KHDRBS2: variants seen among roughly 807,000 people sequenced by gnomAD.
KHDRBS2 encodes the protein KH domain-containing, RNA-binding, signal transduction-associated protein 2.
A neutral mutation model predicts 44.3 loss-of-function variants in KHDRBS2; 26 were observed. That is an observed-to-expected ratio of 0.59 (90% CI 0.43 to 0.81). The LOEUF (loss-of-function observed/expected upper bound fraction) is 0.81. Ranked by LOEUF, KHDRBS2 falls within the 40% of genes least tolerant of loss-of-function variation. The pLI, the probability that KHDRBS2 is intolerant of heterozygous loss-of-function variation, is 0.00. For synonymous variants in KHDRBS2, 194 were observed against 151.1 expected (o/e 1.28, Z -2.08); for missense variants, 476 against 433.1 (o/e 1.10, Z -0.88).
chr6:61,819,674 T>C (rs1300156353), intron 6 of KHDRBS2, among the ~76,000 whole-genome samples: 2 of 152,058 alleles, frequency 1.3e-5, no homozygotes, highest in Admixed American at 1.3e-4. Flanking sequence ...TTTTCAATAT[T>C]AGAGAAAGCA....
At chr6:61,605,095 T>G in the KHDRBS2 span, among the ~76,000 whole-genome samples, 1 of 152,282 alleles carries the variant, frequency 6.6e-6, no homozygotes, top group South Asian at 2.1e-4. Context: ...GACAATACTT[T>G]TACCACTTGC....
At chr6:61,634,779 T>G in the KHDRBS2 span, among the ~76,000 whole-genome samples, 1 of 152,098 alleles carries the variant, frequency 6.6e-6, no homozygotes, top group Non-Finnish European at 1.5e-5. Context: ...CTGTAGTCAC[T>G]GCCCTAGTTC....
chr6:62,169,048 T>C (rs1819294508), intron 2 of KHDRBS2, among the ~76,000 whole-genome samples: 1 of 140,594 alleles, frequency 7.1e-6, no homozygotes, highest in Non-Finnish European at 1.5e-5. Flanking sequence ...TATATATATA[T>C]ATATATATAT....
At chr6:62,006,818 A>C (rs374292878) in intron 3 of KHDRBS2, among the ~76,000 whole-genome samples, 4 of 152,076 alleles carry the variant, frequency 2.6e-5, no homozygotes, top group East Asian at 3.8e-4. Context: ...CAAATTATAG[A>C]TATCAAAGGA....
Position 62,218,313 on chromosome 6 carries a change from A to G in KHDRBS2, c.92-41001T>C, listed in dbSNP as rs147445355. ...ATGTTCTGGGTATCTAAAAGAGCAA[A>G]AGAATATCCCCTTTAGAATCAGATA... is the stretch of plus-strand genomic sequence containing the variant. On this transcript the variant is annotated intron_variant, in intron 1 of 8. Coordinates refer to ENST00000281156, the MANE Select transcript of KHDRBS2 (RefSeq NM_152688.4). Among the ~76,000 whole-genome samples the G allele has an allele frequency of 5.3e-5, 8 of 152,004 alleles. No individual in the cohort carries two copies. In the East Asian group the frequency reaches 1.5e-3, roughly 29 times the overall value.
chr6:62,132,406 A>G (rs1810534259), intron 2 of KHDRBS2, among the ~76,000 whole-genome samples: 1 of 152,148 alleles, frequency 6.6e-6, no homozygotes, highest in South Asian at 2.1e-4. Flanking sequence ...CTTATTAGAA[A>G]TGCATATTCT....
At chr6:61,867,705 T>G (rs1797990076) in intron 6 of KHDRBS2, among the ~76,000 whole-genome samples, 1 of 152,216 alleles carries the variant, frequency 6.6e-6, no homozygotes, top group South Asian at 2.1e-4. Flanking sequence ...TCCATAGGGC[T>G]GCTGCCGTTT....
the KHDRBS2 span, among the ~76,000 whole-genome samples, chr6:61,660,169 C>T: frequency 2.5e-3 from 381 of 151,822 alleles, 2 homozygotes; most frequent in African/African-American, 8.8e-3. Context: ...CAGTGTAGTT[C>T]GTAACTGACA....
At chr6:61,967,845 C>A (rs1770398916) in intron 4 of KHDRBS2, among the ~76,000 whole-genome samples, 1 of 73,770 alleles carries the variant, frequency 1.4e-5, no homozygotes, top group African/African-American at 6.5e-5. Context: ...TCTCTCAATA[C>A]ATACATACAT....
chr6:62,210,023 T>C (rs1828752910), intron 1 of KHDRBS2, among the ~76,000 whole-genome samples: 1 of 152,134 alleles, frequency 6.6e-6, no homozygotes, highest in Non-Finnish European at 1.5e-5. Flanking sequence ...ATTCTGTGAG[T>C]CAATACTTCT....
intron 8 of KHDRBS2, among the ~76,000 whole-genome samples, chr6:61,688,059 TTAA>T (rs1452229978): frequency 3.3e-5 from 5 of 151,880 alleles, no homozygotes; most frequent in Non-Finnish European, 7.4e-5. Context: ...TTATCATCCA[TTAA>T]TAATTGAAAA....
intron 3 of KHDRBS2, among the ~76,000 whole-genome samples, chr6:62,034,583 A>G (rs1784918458): frequency 1.3e-5 from 2 of 151,528 alleles, no homozygotes; most frequent in Admixed American, 1.3e-4. Flanking sequence ...TGCATTTGAT[A>G]ATATTCAACA....
intron 2 of KHDRBS2, among the ~76,000 whole-genome samples, chr6:62,072,638 T>A (rs1795417226): frequency 6.6e-6 from 1 of 152,200 alleles, no homozygotes; most frequent in African/African-American, 2.4e-5. Flanking sequence ...TATGCTGGAT[T>A]ACATTTATTG....
intron 6 of KHDRBS2, among the ~76,000 whole-genome samples, chr6:61,733,303 C>T (rs1172102001): frequency 1.3e-5 from 2 of 152,042 alleles, no homozygotes; most frequent in African/African-American, 2.4e-5. Flanking sequence ...GAAATAAAGA[C>T]TTCGTGGCCG....
At chr6:61,844,152 T>C (rs1210024006) in intron 6 of KHDRBS2, among the ~76,000 whole-genome samples, 1 of 152,126 alleles carries the variant, frequency 6.6e-6, no homozygotes, top group Non-Finnish European at 1.5e-5. Flanking sequence ...CAAAAATAAA[T>C]ATACTTTAAA....
chr6:62,228,553 T>C (rs1217317345), intron 1 of KHDRBS2, among the ~76,000 whole-genome samples: 1 of 152,202 alleles, frequency 6.6e-6, no homozygotes, highest in Admixed American at 6.5e-5. Context: ...CTGATCTTAG[T>C]TATTTCTTGT....
At chr6:62,211,857 GTA>G (rs1829105951) in intron 1 of KHDRBS2, among the ~76,000 whole-genome samples, 1 of 152,018 alleles carries the variant, frequency 6.6e-6, no homozygotes, top group Admixed American at 6.6e-5. Context: ...ACATGCACAC[GTA>G]TGTTCATCAC....
chr6:61,650,501 T>A, the KHDRBS2 span, among the ~76,000 whole-genome samples: 1 of 151,966 alleles, frequency 6.6e-6, no homozygotes, highest in Non-Finnish European at 1.5e-5. Context: ...CATAAATTCA[T>A]AAAAATAAGT....
At chr6:62,240,284 T>C (rs1239059654) in intron 1 of KHDRBS2, among the ~76,000 whole-genome samples, 3 of 152,236 alleles carry the variant, frequency 2.0e-5, no homozygotes, top group African/African-American at 7.2e-5. Flanking sequence ...ACTGTGGGTG[T>C]TTTATTTTGA....
Sources: gnomAD v4.1 joint callset for allele counts (sites outside exome capture counted in the v4.1 genomes callset) on GRCh38, gnomAD v4.1.1 for gene constraint, MANE v1.5 for transcripts, NCBI Gene and HGNC (gene_info 2026-07-23, HGNC 2026-07-21) for gene names.